Variants in FOCAD observed in about 807,000 individuals in gnomAD.
FOCAD encodes the protein focadhesin, also known as KIAA1797.
Under a neutral mutation model 225.6 loss-of-function variants are expected in FOCAD, and 198 were observed. The ratio of observed to expected loss-of-function variants is 0.88; its 90% CI spans 0.78 to 0.99. The LOEUF (loss-of-function observed/expected upper bound fraction) is 0.99. Among genes scored for constraint, FOCAD ranks in the 50% least tolerant of loss-of-function variants. The pLI is 0.00. For missense variants in FOCAD, 2,713 were observed against 2,123.6 expected (o/e 1.28, Z -5.46); for synonymous variants, 897 against 755.0 (o/e 1.19, Z -3.08).
chr9:20,929,488 C>T lies in FOCAD; in HGVS notation c.3209C>T (p.Thr1070Ile). 2 of 1,614,162 alleles carry T rather than the reference C, an allele frequency of 1.2e-6. No homozygotes were observed. Among genetic ancestry groups the T allele is most frequent in the Non-Finnish European group, 1.7e-6 (2 of 1,180,028 alleles). The change falls in exon 27 of 44, where the codon ACT becomes ATT. Residue 1070 changes from threonine (T) to isoleucine (I), a missense_variant. By Grantham distance (89) the Thr-to-Ile change is moderately conservative. Coordinates refer to ENST00000338382, the MANE Select transcript of FOCAD (RefSeq NM_001375567.1). Reference protein sequence around the residue: ...EKVEEILNMLTARLPGKPSAD... With the variant: ...EKVEEILNMLIARLPGKPSAD... ...GTTGAGGAAATCCTGAACATGCTGACTGCCAGGTTACCTGGGAAACCAAGT... is the reference window on the plus strand; with the variant it reads ...GTTGAGGAAATCCTGAACATGCTGATTGCCAGGTTACCTGGGAAACCAAGT...
chr9:20,782,889 T>A (rs572783601), intron 10 of FOCAD, among the ~76,000 whole-genome samples: 1 of 152,372 alleles, frequency 6.6e-6, no homozygotes, highest in Admixed American at 6.5e-5. Flanking sequence ...GAATGTATAC[T>A]ACAGCTTCCT....
intron 43 of FOCAD, among the ~76,000 whole-genome samples, chr9:20,994,744 G>A (rs1841933063): frequency 6.6e-6 from 1 of 152,114 alleles, no homozygotes; most frequent in Non-Finnish European, 1.5e-5. Flanking sequence ...CATTTTTAAT[G>A]GCCATAATAA....
At chr9:20,677,776 G>A (rs373868868) in intron 2 of FOCAD, among the ~76,000 whole-genome samples, 4 of 152,174 alleles carry the variant, frequency 2.6e-5, no homozygotes, top group East Asian at 3.8e-4. Context: ...CCGTGTGGAG[G>A]TTTCTCAAAA....
At chr9:20,908,995 T>G (rs934198360) in intron 22 of FOCAD, among the ~76,000 whole-genome samples, 1 of 152,004 alleles carries the variant, frequency 6.6e-6, no homozygotes, top group African/African-American at 2.4e-5. Flanking sequence ...TAAAGGATGT[T>G]CAAAATGCTA....
At chr9:20,898,113 T>C (rs765692836) in intron 21 of FOCAD, among the ~76,000 whole-genome samples, 1 of 151,872 alleles carries the variant, frequency 6.6e-6, no homozygotes, top group Non-Finnish European at 1.5e-5. Flanking sequence ...CACTTATCTT[T>C]GCTTCTCTAT....
chr9:20,720,547 C>T lies in FOCAD; in HGVS notation c.287+13C>T, dbSNP rs779077221. ...TTCCATCAACCAGGTACTTTTTCCT[C>T]AGTGTTTGGTCAGTTAATGATTTAA... On this transcript the variant is annotated intron_variant, in intron 4 of 43. Coordinates refer to ENST00000338382, the MANE Select transcript of FOCAD (RefSeq NM_001375567.1). 3.7e-6 allele frequency: 6 copies of T among 1,612,770 alleles called. No individual in the cohort carries two copies. In the East Asian group the frequency reaches 8.9e-5, roughly 24 times the overall value.
intron 15 of FOCAD, among the ~76,000 whole-genome samples, chr9:20,859,840 G>A (rs1828597769): frequency 6.6e-6 from 1 of 151,302 alleles, no homozygotes; most frequent in Admixed American, 6.6e-5. Context: ...CTATTTATAG[G>A]AAATGCCTGG....
At chr9:20,678,444 C>T (rs1055748698) in intron 2 of FOCAD, among the ~76,000 whole-genome samples, 1 of 152,110 alleles carries the variant, frequency 6.6e-6, no homozygotes, top group Non-Finnish European at 1.5e-5. Context: ...ATATGAATTG[C>T]CTAGGAAACC....
At chr9:20,715,512 T>C (rs888474385) in intron 2 of FOCAD, 102 bp downstream of exon 2, 3 of 464,392 alleles carry the variant, frequency 6.5e-6, no homozygotes, top group Non-Finnish European at 1.0e-5. Context: ...TTATTCTACA[T>C]GTAGAGATTT....
chr9:20,697,512 T>A lies in FOCAD; in HGVS notation c.-33+13219T>A, dbSNP rs150688387. Among the ~76,000 whole-genome samples, 76 of 152,356 alleles carry A rather than the reference T, an allele frequency of 5.0e-4. No homozygotes were observed. In the East Asian group the frequency reaches 9.8e-3, roughly 20 times the overall value. On this transcript the variant is annotated intron_variant, in intron 1 of 43. Transcript: ENST00000338382. ...CACTAGCCAACACTGGTGTCCTTGG[T>A]CTTTCCTAAACTTGCCAAACATGCT...
chr9:20,982,496 C>T (rs370953889), intron 39 of FOCAD, 50 bp downstream of exon 39: 33 of 1,469,950 alleles, frequency 2.2e-5, no homozygotes, highest in Non-Finnish European at 2.9e-5. Context: ...CCAGAAATTA[C>T]GATTGAATAA....
intron 19 of FOCAD, among the ~76,000 whole-genome samples, chr9:20,881,071 T>C (rs1830629971): frequency 6.6e-6 from 1 of 152,192 alleles, no homozygotes; most frequent in Non-Finnish European, 1.5e-5. Context: ...CAAGCAAAGA[T>C]AGTGGACAAA....
At chr9:20,764,202 G>T (rs1201291791) in intron 6 of FOCAD, among the ~76,000 whole-genome samples, 1 of 152,132 alleles carries the variant, frequency 6.6e-6, no homozygotes, top group Admixed American at 6.6e-5. Flanking sequence ...ATTCATGTTT[G>T]TGTCATACTC....
chr9:20,948,277 G>C lies in FOCAD; in HGVS notation c.3682G>C (p.Gly1228Arg), dbSNP rs774537266. Residue 1228 changes from glycine to arginine, a missense_variant, in exon 31 of 44, where the codon GGT (glycine) becomes CGT (arginine). Gly to Arg is a moderately radical substitution (Grantham distance 125). Coordinates refer to ENST00000338382, the MANE Select transcript of FOCAD (RefSeq NM_001375567.1). ...LLVENSQQTSGFALALGNIVH... is the reference protein window; with the variant it reads ...LLVENSQQTSRFALALGNIVH... ...TTTTATTTATTTATATCAGACTTCA[G>C]GTTTTGCCCTGGCTTTAGGAAACAT... The C allele has an allele frequency of 2.5e-6, 4 of 1,604,956 alleles. No homozygotes were observed. In the East Asian group the frequency reaches 9.0e-5, roughly 36 times the overall value.
chr9:20,724,027 G>A (rs1346712364), intron 4 of FOCAD, among the ~76,000 whole-genome samples: 3 of 152,160 alleles, frequency 2.0e-5, no homozygotes, highest in African/African-American at 7.2e-5. Flanking sequence ...GATCTCATGT[G>A]AACTAACTGA....
At chr9:20,764,199 T>C (rs1431996981) in intron 6 of FOCAD, among the ~76,000 whole-genome samples, 1 of 152,194 alleles carries the variant, frequency 6.6e-6, no homozygotes, top group Non-Finnish European at 1.5e-5. Flanking sequence ...AAAATTCATG[T>C]TTGTGTCATA....
chr9:20,753,199 G>A (rs1298570295), intron 5 of FOCAD, among the ~76,000 whole-genome samples: 2 of 151,800 alleles, frequency 1.3e-5, no homozygotes, highest in African/African-American at 4.8e-5. Context: ...ACACTATGTT[G>A]AATAGGAGTG....
chr9:20,854,467 A>G (rs1827970719), intron 15 of FOCAD, among the ~76,000 whole-genome samples: 1 of 151,724 alleles, frequency 6.6e-6, no homozygotes, highest in Non-Finnish European at 1.5e-5. Context: ...GAGGGAAATT[A>G]ATGACTTCAC....
chr9:20,982,591 T>G (rs1840798410), intron 39 of FOCAD, 145 bp downstream of exon 39: 2 of 657,610 alleles, frequency 3.0e-6, no homozygotes, highest in South Asian at 3.7e-5. Context: ...TTTACATTGT[T>G]GAGCCTCTTG....
Sources: gnomAD v4.1 joint callset for allele counts (sites outside exome capture counted in the v4.1 genomes callset) on GRCh38, gnomAD v4.1.1 for gene constraint, MANE v1.5 for transcripts, NCBI Gene and HGNC (gene_info 2026-07-23, HGNC 2026-07-21) for gene names.